Variants in LPAR6 observed in about 807,000 individuals in gnomAD.
LPAR6 encodes lysophosphatidic acid receptor 6.
Under a neutral mutation model 22.0 loss-of-function variants are expected in LPAR6, and 17 were observed. The observed-to-expected ratio is 0.77, with a 90% CI of 0.53 to 1.16. LPAR6 has a LOEUF of 1.16. LPAR6 is among the 50% of genes most tolerant of loss of function. The pLI, the probability that LPAR6 is intolerant of heterozygous loss-of-function variation, is 0.00. For synonymous variants in LPAR6, 136 were observed against 139.8 expected, an observed-to-expected ratio of 0.97 and a Z score of 0.19; for missense variants, 384 against 406.9, an observed-to-expected ratio of 0.94 and a Z score of 0.48.
At chr13:48,435,574 A>G (rs931719192) in intron 1 of LPAR6, among the ~76,000 whole-genome samples, 5 of 152,152 alleles carry the variant, frequency 3.3e-5, no homozygotes, top group Admixed American at 6.5e-5. Flanking sequence ...TAATTTTCAT[A>G]AAGTCCAGTT....
rs573570649 is a variant in LPAR6 at position 48,441,628 on chromosome 13, T to C, written c.-1474+2925A>G. Among the ~76,000 whole-genome samples the C allele has an allele frequency of 4.6e-5, 7 of 152,330 alleles. No homozygotes were observed. In the South Asian group the frequency reaches 1.5e-3, roughly 32 times the overall value. ...CAATACAATTTTTAATAGTGTTGTTTAATTTTTAAGTGTTATTTACTAGAA... is the reference window on the plus strand; with the variant it reads ...CAATACAATTTTTAATAGTGTTGTTCAATTTTTAAGTGTTATTTACTAGAA... On this transcript the variant is annotated intron_variant, in intron 1 of 6. Coordinates refer to the LPAR6 transcript ENST00000378434.
chr13:48,413,414 T>C (rs1191150731), upstream of LPAR6, among the ~76,000 whole-genome samples: 1 of 152,216 alleles, frequency 6.6e-6, no homozygotes, highest in East Asian at 1.9e-4. Context: ...CCTGTTCTCT[T>C]ATTCGATTGT....
At chr13:48,436,528 A>G (rs535670994) in intron 1 of LPAR6, among the ~76,000 whole-genome samples, 46 of 152,206 alleles carry the variant, frequency 3.0e-4, no homozygotes, top group Non-Finnish European at 5.4e-4. Flanking sequence ...CTGTAATCCC[A>G]GCTACTCGGG....
upstream of LPAR6, among the ~76,000 whole-genome samples, chr13:48,431,356 C>G (rs1566223911): frequency 6.6e-6 from 1 of 152,066 alleles, no homozygotes. Context: ...AGGACTAGTG[C>G]TATGAACATT....
At chr13:48,410,550 A>G (rs1229302876), downstream of LPAR6, among the ~76,000 whole-genome samples, 1 of 152,224 alleles carries the variant, frequency 6.6e-6, no homozygotes, top group Non-Finnish European at 1.5e-5. Context: ...CCGACCTAAC[A>G]TACTTAAAAC....
At chr13:48,398,324 A>T (rs534307045) in intron 1 of LPAR6, among the ~76,000 whole-genome samples, 8 of 152,130 alleles carry the variant, frequency 5.3e-5, no homozygotes, top group Non-Finnish European at 8.8e-5. Flanking sequence ...CTTGACTTCC[A>T]CAGCTAAATA....
chr13:48,430,851 C>G (rs1019063731), upstream of LPAR6, among the ~76,000 whole-genome samples: 1 of 151,994 alleles, frequency 6.6e-6, no homozygotes, highest in Non-Finnish European at 1.5e-5. Flanking sequence ...ATTTCTGGAG[C>G]CCAGGAGTTT....
chr13:48,430,783 G>A (rs1949122342), upstream of LPAR6, among the ~76,000 whole-genome samples: 1 of 151,086 alleles, frequency 6.6e-6, no homozygotes, highest in African/African-American at 2.4e-5. Flanking sequence ...AAAAACAGTA[G>A]AGGCCTGCTG....
chr13:48,432,998 C>T (rs1949145634), intron 1 of LPAR6, among the ~76,000 whole-genome samples: 1 of 152,026 alleles, frequency 6.6e-6, no homozygotes, highest in African/African-American at 2.4e-5. Flanking sequence ...GGATACTGCT[C>T]TTTCTTTTTA....
intron 1 of LPAR6, among the ~76,000 whole-genome samples, chr13:48,443,002 T>G (rs1428447288): frequency 1.3e-5 from 2 of 152,092 alleles, no homozygotes. Flanking sequence ...GACCAAGATA[T>G]CAATTAATAA....
upstream of LPAR6, among the ~76,000 whole-genome samples, chr13:48,414,026 A>G (rs568265660): frequency 5.9e-5 from 9 of 152,246 alleles, no homozygotes; most frequent in East Asian, 1.5e-3. Context: ...GTTTCTATGA[A>G]TGGTTTATAT....
chr13:48,411,811 T>C lies in LPAR6; in HGVS notation c.613A>G (p.Ser205Gly), dbSNP rs374244267. ...IPLILNVTCS[S>G]MVLKTLTKPV... The stretch of plus-strand genomic sequence containing the variant: ...TTGGTTAAAGTTTTTAGCACCATAC[T>C]AGAACAAGTTACATTTAAAATTAGA... The change falls in exon 1 of 1, where the codon AGT becomes GGT. Residue 205 changes from serine (S) to glycine (G), a missense_variant. Transcript: ENST00000620633. 1 of 1,612,718 alleles carries C rather than the reference T, an allele frequency of 6.2e-7. No homozygotes were observed. Among genetic ancestry groups the C allele is most frequent in the Non-Finnish European group, 8.5e-7 (1 of 1,178,730 alleles).
intron 2 of LPAR6, among the ~76,000 whole-genome samples, chr13:48,420,746 GACAA>G (rs561949249): frequency 2.6e-4 from 40 of 152,190 alleles, no homozygotes; most frequent in African/African-American, 7.5e-4. Flanking sequence ...AACAATAATA[GACAA>G]ACAGAGAGCC....
intron 1 of LPAR6, among the ~76,000 whole-genome samples, chr13:48,434,387 A>T (rs906865821): frequency 6.6e-6 from 1 of 152,198 alleles, no homozygotes; most frequent in African/African-American, 2.4e-5. Context: ...GATTATTTCA[A>T]TATTGCTCTG....
At chr13:48,443,106 A>G (rs1379735390) in intron 1 of LPAR6, among the ~76,000 whole-genome samples, 1 of 151,922 alleles carries the variant, frequency 6.6e-6, no homozygotes, top group African/African-American at 2.4e-5. Flanking sequence ...AAATTATGTC[A>G]TTGATATAAC....
chr13:48,411,950 G>T lies in LPAR6; in HGVS notation c.474C>A (p.His158Gln), dbSNP rs758875706. ...SAPAVFVQST[H>Q]SQGNNASEAC... ...CTTCTGAGGCATTGTTACCCTGAGA[G>T]TGGGTAGACTGAACAAAAACGGCGG... is the stretch of plus-strand genomic sequence containing the variant. The change falls in exon 1 of 1, where the codon CAC becomes CAA. Residue 158 changes from histidine to glutamine, a missense_variant. By Grantham distance (24) the His-to-Gln change is conservative (BLOSUM62 0). Transcript: ENST00000620633. 2.5e-5 allele frequency: 40 copies of T among 1,612,452 alleles called. No individual in the cohort carries two copies. The highest frequency in any genetic ancestry group is 3.1e-5 in the Non-Finnish European group (36 of 1,179,140).
At chr13:48,442,663 T>G (rs1949249753) in intron 1 of LPAR6, among the ~76,000 whole-genome samples, 1 of 152,178 alleles carries the variant, frequency 6.6e-6, no homozygotes, top group Admixed American at 6.5e-5. Flanking sequence ...CTCATTCAGA[T>G]AAGTGACTAT....
At chr13:48,410,782 C>T (rs1948787620), downstream of LPAR6, among the ~76,000 whole-genome samples, 1 of 152,004 alleles carries the variant, frequency 6.6e-6, no homozygotes, top group South Asian at 2.1e-4. Flanking sequence ...CTACAAATTG[C>T]CTACACAGAC....
At chr13:48,404,191 C>G (rs1948718674) in intron 1 of LPAR6, 1 of 152,092 alleles carries the variant, frequency 6.6e-6, no homozygotes, top group African/African-American at 2.4e-5. Flanking sequence ...AGACACGGGG[C>G]TAGGGTTTCC....
Sources: allele counts gnomAD v4.1 joint callset (sites outside exome capture counted in the v4.1 genomes callset), GRCh38; gene constraint gnomAD v4.1.1; transcripts MANE v1.5; gene names NCBI Gene and HGNC (gene_info 2026-07-23, HGNC 2026-07-21).